HEATR4: variants seen among roughly 807,000 people sequenced by gnomAD.
The protein encoded by HEATR4 is HEAT repeat-containing protein 4.
Under a neutral mutation model 108.8 loss-of-function variants are expected in HEATR4, and 95 were observed. The ratio of observed to expected loss-of-function variants is 0.87; its 90% CI spans 0.74 to 1.04. HEATR4 has a LOEUF of 1.04. HEATR4 is among the 50% of genes least tolerant of loss of function. The pLI, the probability that HEATR4 is intolerant of heterozygous loss-of-function variation, is 0.00. For missense variants in HEATR4, 1,152 were observed against 1,253.8 expected, an observed-to-expected ratio of 0.92 and a Z score of 1.23; for synonymous variants, 443 against 459.4, an observed-to-expected ratio of 0.96 and a Z score of 0.46.
chr14:73,567,153 T>C, the HEATR4 span, among the ~76,000 whole-genome samples: 3 of 152,118 alleles, frequency 2.0e-5, no homozygotes, highest in Admixed American at 6.6e-5. Context: ...TCCAGGTTGG[T>C]GCGAAACTCC....
rs576219698 is a variant in HEATR4 at position 73,506,513 on chromosome 14, A to T, written c.1940T>A (p.Ile647Asn). The change falls in exon 10 of 18, where the codon ATT becomes AAT. Residue 647 changes from isoleucine (I) to asparagine (N), a missense_variant. By Grantham distance (149) the Ile-to-Asn change is moderately radical (BLOSUM62 -3). Coordinates refer to ENST00000553558, the MANE Select transcript of HEATR4 (RefSeq NM_001220484.1). ...ELNSCQWKNR[I>N]VACQAFSRIS... ...CCGGGAGAAAGCCTGGCAGGCCACA[A>T]TCCGGTTCTTCCATTGACAGCTGTT... The T allele has an allele frequency of 6.2e-6, 10 of 1,613,758 alleles. No individual in the cohort carries two copies. Among genetic ancestry groups the T allele is most frequent in the Middle Eastern group, 1.6e-4 (1 of 6,080 alleles).
the HEATR4 span, chr14:73,612,841 G>A: frequency 7.0e-7 from 1 of 1,422,988 alleles, no homozygotes; most frequent in Non-Finnish European, 9.4e-7. Context: ...AGAAAGCCTT[G>A]GTGCGGCTGG....
chr14:73,611,335 C>T, the HEATR4 span, among the ~76,000 whole-genome samples: 1 of 152,242 alleles, frequency 6.6e-6, no homozygotes, highest in African/African-American at 2.4e-5. Flanking sequence ...ATAGTCTCCT[C>T]CTTCCTGCCA....
chr14:73,551,141 G>A (rs1156843301), intron 1 of HEATR4, among the ~76,000 whole-genome samples: 1 of 109,956 alleles, frequency 9.1e-6, no homozygotes, highest in Non-Finnish European at 2.0e-5. Context: ...TCCAGCCTGA[G>A]TGACAGTGTG....
At chr14:73,564,238 C>T in the HEATR4 span, among the ~76,000 whole-genome samples, 1 of 150,846 alleles carries the variant, frequency 6.6e-6, no homozygotes, top group African/African-American at 2.4e-5. Context: ...CCAGAGGTTG[C>T]AGTGAGCCGA....
the HEATR4 span, among the ~76,000 whole-genome samples, chr14:73,594,668 G>T: frequency 6.9e-6 from 1 of 143,982 alleles, no homozygotes; most frequent in Non-Finnish European, 1.5e-5. Flanking sequence ...TTTTGCATTG[G>T]ATAAGTTATT....
At chr14:73,606,384 C>A in the HEATR4 span, among the ~76,000 whole-genome samples, 4,000 of 143,330 alleles carry the variant, frequency 0.028, 90 homozygotes, top group South Asian at 0.095. Context: ...CAAAACAAAA[C>A]AAAAAAAAAA....
chr14:73,493,159 G>GA (rs755326030), intron 16 of HEATR4, 35 bp from the exon 17 acceptor site: 25 of 1,565,662 alleles, frequency 1.6e-5, no homozygotes, highest in East Asian at 9.0e-5. Context: ...GTTGGAGGTG[G>GA]AAAAAAAACC....
chr14:73,594,764 A>AATCTCG, the HEATR4 span, among the ~76,000 whole-genome samples: 27 of 152,098 alleles, frequency 1.8e-4, no homozygotes, highest in Admixed American at 4.6e-4. Context: ...GCAGTGGCGC[A>AATCTCG]ATCTCGGCTC....
At chr14:73,569,561 T>C in the HEATR4 span, 31 of 1,601,902 alleles carry the variant, frequency 1.9e-5, no homozygotes, top group Admixed American at 1.0e-4. Flanking sequence ...AGGGCGCGCT[T>C]TTCCAGGCCC....
At chr14:73,586,920 G>A in the HEATR4 span, among the ~76,000 whole-genome samples, 1 of 152,024 alleles carries the variant, frequency 6.6e-6, no homozygotes, top group African/African-American at 2.4e-5. Flanking sequence ...GCCCAGGTTG[G>A]TTTCAAACTT....
At chr14:73,602,081 CAGGCACGGGCCA>C in the HEATR4 span, among the ~76,000 whole-genome samples, 3 of 152,104 alleles carry the variant, frequency 2.0e-5, no homozygotes, top group African/African-American at 7.2e-5. Flanking sequence ...GCTGGGACTA[CAGGCACGGGCCA>C]CCGTGCCTGG....
chr14:73,486,329 C>A (rs1353159405), intron 17 of HEATR4, among the ~76,000 whole-genome samples: 3 of 152,186 alleles, frequency 2.0e-5, no homozygotes, highest in Non-Finnish European at 4.4e-5. Flanking sequence ...CATTTGCTTT[C>A]TTTTACTTTC....
the HEATR4 span, among the ~76,000 whole-genome samples, chr14:73,579,691 T>A: frequency 6.6e-6 from 1 of 151,738 alleles, no homozygotes; most frequent in South Asian, 2.1e-4. Context: ...AGTGCTGGGA[T>A]TACAGGCATA....
the HEATR4 span, among the ~76,000 whole-genome samples, chr14:73,613,469 C>A: frequency 6.6e-6 from 1 of 152,174 alleles, no homozygotes; most frequent in Non-Finnish European, 1.5e-5. Context: ...TCACATCAAA[C>A]TTCCAAAGAA....
chr14:73,540,806 A>G (rs1889055560), intron 1 of HEATR4, among the ~76,000 whole-genome samples: 1 of 108,742 alleles, frequency 9.2e-6, no homozygotes, highest in African/African-American at 3.2e-5. Context: ...TAGTGGCACA[A>G]TCTTGGCTCA....
At chr14:73,622,291 G>A in the HEATR4 span, among the ~76,000 whole-genome samples, 26 of 152,144 alleles carry the variant, frequency 1.7e-4, no homozygotes, top group Non-Finnish European at 5.9e-5. Flanking sequence ...GGGCAAGACA[G>A]CCCTAGACCT....
At chr14:73,588,452 C>A in the HEATR4 span, among the ~76,000 whole-genome samples, 88 of 152,216 alleles carry the variant, frequency 5.8e-4, 1 homozygote, top group Admixed American at 5.8e-3. Context: ...TTCACTGCCT[C>A]TCCCCCTGCA....
the HEATR4 span, among the ~76,000 whole-genome samples, chr14:73,601,407 T>C: frequency 6.6e-6 from 1 of 151,984 alleles, no homozygotes; most frequent in East Asian, 1.9e-4. Context: ...CTACTAAAAA[T>C]ACAAAAATTA....
Sources: allele counts gnomAD v4.1 joint callset (sites outside exome capture counted in the v4.1 genomes callset), GRCh38; gene constraint gnomAD v4.1.1; transcripts MANE v1.5; gene names NCBI Gene and HGNC (gene_info 2026-07-23, HGNC 2026-07-21).